CAB39: variants seen among roughly 807,000 people sequenced by gnomAD.
CAB39 encodes calcium binding protein 39, also known as calcium-binding protein 39.
Under a neutral mutation model 40.0 loss-of-function variants are expected in CAB39, and 8 were observed. That is an observed-to-expected ratio of 0.20 (90% confidence interval 0.12 to 0.36). CAB39 has a LOEUF of 0.36. CAB39 is among the 10% of genes least tolerant of loss of function. The probability of loss-of-function intolerance (pLI) is 1.00; values close to 1 mark genes in which losing one functional copy is unlikely to be tolerated. For synonymous variants in CAB39, 156 were observed against 141.6 expected (o/e 1.10, Z -0.72); for missense variants, 270 against 401.1 (o/e 0.67, Z 2.79).
intron 2 of CAB39, among the ~76,000 whole-genome samples, chr2:230,774,279 C>G (rs1695546121): frequency 6.6e-6 from 1 of 151,844 alleles, no homozygotes. Context: ...AGTGTTTATT[C>G]CTTTATTTGT....
rs1443099318 is a variant in CAB39, at chr2:230,820,422, T to G, written c.*1718T>G. On this transcript the variant is annotated 3_prime_UTR_variant, in exon 9 of 9. Coordinates refer to ENST00000258418, the MANE Select transcript of CAB39 (RefSeq NM_016289.4). ...ATGGCAGTCTACATCATAATTGGCA[T>G]TTCTCAAGACTGTCTTTACCAGAAT... is the stretch of plus-strand genomic sequence containing the variant. The G allele has an allele frequency of 6.6e-6, 1 of 152,190 alleles. No individual in the cohort carries two copies. Among genetic ancestry groups the G allele is most frequent in the Non-Finnish European group, 1.5e-5 (1 of 68,030 alleles). The allele number at this position is 152,190 out of a possible 1,614,324, so 9.4% of individuals were successfully genotyped here. A position where few individuals can be genotyped will look rare whatever the true frequency, so the allele number is the denominator to read the frequency against.
intron 5 of CAB39, among the ~76,000 whole-genome samples, chr2:230,808,111 A>G (rs962511620): frequency 6.8e-6 from 1 of 146,770 alleles, no homozygotes; most frequent in African/African-American, 2.5e-5. Context: ...TTTGAGGTGA[A>G]GTTTCACTAT....
chr2:230,745,047 G>A (rs1361734693), intron 1 of CAB39, among the ~76,000 whole-genome samples: 9 of 152,140 alleles, frequency 5.9e-5, no homozygotes, highest in Non-Finnish European at 1.3e-4. Flanking sequence ...AATTTTTAAG[G>A]ATTAACAGAA....
chr2:230,733,571 G>C (rs561190919), intron 1 of CAB39, among the ~76,000 whole-genome samples: 3 of 152,274 alleles, frequency 2.0e-5, no homozygotes, highest in East Asian at 1.9e-4. Context: ...TTTTTGCCCA[G>C]ATTCTCTCTT....
chr2:230,794,428 T>C (rs1467863613), intron 4 of CAB39, among the ~76,000 whole-genome samples: 5 of 152,226 alleles, frequency 3.3e-5, no homozygotes, highest in Non-Finnish European at 5.9e-5. Context: ...AGCTTTCAGG[T>C]GCCTTTGTGT....
chr2:230,798,686 G>C, intron 4 of CAB39, 43 bp from the exon 5 acceptor site: 4 of 1,534,850 alleles, frequency 2.6e-6, no homozygotes, highest in South Asian at 1.2e-5. Flanking sequence ...TTTTGAAAAA[G>C]CAATCATGTT....
At chr2:230,753,755 A>C (rs1017382555) in intron 1 of CAB39, among the ~76,000 whole-genome samples, 23 of 152,072 alleles carry the variant, frequency 1.5e-4, no homozygotes, top group African/African-American at 4.8e-4. Context: ...AAAAAAAAAA[A>C]AAAAGAAAAG....
At chr2:230,770,090 G>T (rs1257584294) in intron 2 of CAB39, among the ~76,000 whole-genome samples, 1 of 152,068 alleles carries the variant, frequency 6.6e-6, no homozygotes, top group Admixed American at 6.6e-5. Context: ...AAGAAGAAAG[G>T]TCTGAGTTTC....
At position 230,759,987 on chromosome 2, in the gene CAB39, C is replaced by A; in HGVS notation, c.-15C>A. On this transcript the variant is annotated 5_prime_UTR_variant, in exon 2 of 9. Transcript: ENST00000258418. ...GCACAGGCGGAGTGCAGCGGAGGCCCCTGCCGCTGCCGTCATGCCGTTCCC... is the reference window on the plus strand; with the variant it reads ...GCACAGGCGGAGTGCAGCGGAGGCCACTGCCGCTGCCGTCATGCCGTTCCC... The A allele has an allele frequency of 6.6e-7, 1 of 1,504,046 alleles. No individual in the cohort carries two copies. The highest frequency in any genetic ancestry group is 9.3e-7 in the Non-Finnish European group (1 of 1,079,918). The allele number at this position is 1,504,046 out of a possible 1,614,324, so 93.2% of individuals were successfully genotyped here. A position where few individuals can be genotyped will look rare whatever the true frequency, so the allele number is the denominator to read the frequency against.
intron 1 of CAB39, among the ~76,000 whole-genome samples, chr2:230,727,140 T>C (rs1435926987): frequency 6.6e-6 from 1 of 151,916 alleles, no homozygotes; most frequent in Non-Finnish European, 1.5e-5. Context: ...GAGCTAATCA[T>C]GAAGGTGGAA....
chr2:230,736,752 A>G (rs567139281), intron 1 of CAB39, among the ~76,000 whole-genome samples: 5 of 152,212 alleles, frequency 3.3e-5, no homozygotes, highest in African/African-American at 9.7e-5. Flanking sequence ...TCTGATCTCA[A>G]CAGTGTCTGT....
chr2:230,738,666 G>A lies in CAB39; in HGVS notation c.-43-21293G>A, dbSNP rs146573991. ...CTGTTTACACTAAATACCACCATAC[G>A]ACAGCCTTTGAGCAGTTTAAAAAGA... On this transcript the variant is annotated intron_variant, in intron 1 of 8. Transcript: ENST00000258418. Among the ~76,000 whole-genome samples, 105 of 152,252 alleles carry A rather than the reference G, an allele frequency of 6.9e-4. 1 individual carries two copies. Among genetic ancestry groups the A allele is most frequent in the African/African-American group, 2.4e-3 (101 of 41,540 alleles).
At chr2:230,774,120 A>G (rs934949481) in intron 2 of CAB39, among the ~76,000 whole-genome samples, 3 of 152,214 alleles carry the variant, frequency 2.0e-5, no homozygotes, top group Non-Finnish European at 4.4e-5. Context: ...ACTTTGACTC[A>G]TTATATTAGA....
intron 1 of CAB39, among the ~76,000 whole-genome samples, chr2:230,730,168 G>A (rs1220620135): frequency 1.3e-5 from 2 of 151,990 alleles, no homozygotes; most frequent in Admixed American, 6.6e-5. Context: ...AGAGTTCAGC[G>A]GCACGATCAT....
intron 5 of CAB39, among the ~76,000 whole-genome samples, chr2:230,799,560 G>A (rs952003922): frequency 1.3e-5 from 2 of 152,188 alleles, no homozygotes; most frequent in Non-Finnish European, 2.9e-5. Context: ...TTCTTGTTTT[G>A]AGTTACAAGG....
At chr2:230,803,621 G>A (rs971379530) in intron 5 of CAB39, among the ~76,000 whole-genome samples, 1 of 152,098 alleles carries the variant, frequency 6.6e-6, no homozygotes, top group South Asian at 2.1e-4. Context: ...AACAGACAGA[G>A]AGCCAAATCA....
chr2:230,784,779 G>A (rs1695758841), intron 2 of CAB39, among the ~76,000 whole-genome samples: 1 of 152,184 alleles, frequency 6.6e-6, no homozygotes, highest in African/African-American at 2.4e-5. Flanking sequence ...AGCAGAGAGA[G>A]CTTTACTTTC....
At chr2:230,779,700 G>A (rs113844790) in intron 2 of CAB39, among the ~76,000 whole-genome samples, 6 of 152,280 alleles carry the variant, frequency 3.9e-5, no homozygotes, top group Admixed American at 2.0e-4. Context: ...CATCATAAGC[G>A]CTTTCCAAAG....
chr2:230,790,723 G>A, intron 2 of CAB39, 149 bp from the exon 3 acceptor site: 4 of 657,486 alleles, frequency 6.1e-6, no homozygotes, highest in Non-Finnish European at 1.1e-5. Flanking sequence ...GCTCCTGAGG[G>A]CAAGGATGGA....
Sources: allele counts gnomAD v4.1 joint callset (sites outside exome capture counted in the v4.1 genomes callset), GRCh38; gene constraint gnomAD v4.1.1; transcripts MANE v1.5; gene names NCBI Gene and HGNC (gene_info 2026-07-23, HGNC 2026-07-21).